Variants in NBEA observed in about 807,000 individuals in gnomAD.
NBEA encodes the protein neurobeachin, also known as lysosomal-trafficking regulator 2.
In NBEA, 44 loss-of-function variants were observed where a neutral mutation model predicts 343.4. The ratio of observed to expected loss-of-function variants is 0.13; its 90% CI spans 0.10 to 0.16. NBEA has a LOEUF of 0.16. NBEA is among the 10% of genes least tolerant of loss of function. NBEA has a pLI of 1.00. For missense variants in NBEA, 2,555 were observed against 3,631.3 expected (o/e 0.70, Z 7.62); for synonymous variants, 1,175 against 1,238.7 (o/e 0.95, Z 1.08).
chr13:35,312,277 C>T (rs2037420755), intron 36 of NBEA, among the ~76,000 whole-genome samples: 1 of 151,998 alleles, frequency 6.6e-6, no homozygotes, highest in Non-Finnish European at 1.5e-5. Flanking sequence ...GTGGGATTAT[C>T]AAGGTTTTCA....
intron 38 of NBEA, among the ~76,000 whole-genome samples, chr13:35,402,074 A>C (rs1271350798): frequency 1.3e-5 from 2 of 152,010 alleles, no homozygotes; most frequent in African/African-American, 4.8e-5. Context: ...AATTCTGATA[A>C]TTACCTAAAT....
intron 1 of NBEA, among the ~76,000 whole-genome samples, chr13:34,968,481 A>C (rs2059899127): frequency 6.6e-6 from 1 of 152,182 alleles, no homozygotes; most frequent in Admixed American, 6.6e-5. Flanking sequence ...CACCCAGGAC[A>C]TTCTAAAGAT....
intron 48 of NBEA, among the ~76,000 whole-genome samples, chr13:35,614,914 G>A (rs1206019645): frequency 6.6e-6 from 1 of 152,104 alleles, no homozygotes; most frequent in Non-Finnish European, 1.5e-5. Flanking sequence ...TGATATGAAG[G>A]TTGACCAGGA....
At chr13:35,085,014 C>G (rs1404026482) in intron 10 of NBEA, among the ~76,000 whole-genome samples, 1 of 152,052 alleles carries the variant, frequency 6.6e-6, no homozygotes, top group African/African-American at 2.4e-5. Flanking sequence ...ACACATACAC[C>G]CTCCCAAGAC....
chr13:35,496,468 C>CT (rs1165124401), intron 41 of NBEA, among the ~76,000 whole-genome samples: 2 of 151,386 alleles, frequency 1.3e-5, no homozygotes, highest in African/African-American at 4.9e-5. Context: ...GATCTTGTCT[C>CT]TAAAAAAATG....
At chr13:35,433,436 G>T (rs577010998) in intron 39 of NBEA, among the ~76,000 whole-genome samples, 1 of 152,062 alleles carries the variant, frequency 6.6e-6, no homozygotes, top group Admixed American at 6.6e-5. Context: ...AAAAACAGTT[G>T]ATAAATAGTA....
chr13:34,971,274 G>A (rs187172483), intron 1 of NBEA, among the ~76,000 whole-genome samples: 59 of 152,072 alleles, frequency 3.9e-4, no homozygotes, highest in Non-Finnish European at 7.2e-4. Context: ...GAAGCTTTTG[G>A]GCTAAGATGA....
At chr13:35,432,475 C>T (rs746438756) in intron 39 of NBEA, 82 bp downstream of exon 39, 181 of 1,266,240 alleles carry the variant, frequency 1.4e-4, no homozygotes, top group Non-Finnish European at 1.8e-4. Context: ...CTTTTTTTTT[C>T]GCTAGTATTT....
At position 35,570,581 on chromosome 13, in the gene NBEA, A is replaced by G. The variant is rs75864051; in HGVS notation, c.7035+3564A>G. On this transcript the variant is annotated intron_variant, in intron 45 of 58. Transcript: ENST00000379939. ...GATAGGTAGCTTTTCTTCCAATTTT[A>G]CTATATTCTATGCTTTAGCAATTTG... Among the ~76,000 whole-genome samples the G allele has an allele frequency of 7.7e-3, 1,177 of 152,280 alleles. 7 individuals are homozygous for G. The highest frequency in any genetic ancestry group is 0.012 in the Non-Finnish European group (803 of 68,018).
chr13:35,271,557 C>T (rs572048120), intron 34 of NBEA, among the ~76,000 whole-genome samples: 13 of 152,126 alleles, frequency 8.5e-5, no homozygotes, highest in African/African-American at 2.4e-4. Flanking sequence ...TAAACTTCTC[C>T]GAGCTAAAAG....
chr13:35,396,805 G>A (rs1246025644), intron 38 of NBEA, among the ~76,000 whole-genome samples: 2 of 152,106 alleles, frequency 1.3e-5, no homozygotes, highest in African/African-American at 2.4e-5. Context: ...CCTCCAAACC[G>A]GAAGTAGAAC....
chr13:35,141,808 A>G (rs2068108236), intron 17 of NBEA, among the ~76,000 whole-genome samples: 1 of 152,190 alleles, frequency 6.6e-6, no homozygotes, highest in African/African-American at 2.4e-5. Context: ...ATGACACCAA[A>G]ATTAAGCTAG....
At chr13:35,451,298 C>T (rs912913863) in intron 39 of NBEA, among the ~76,000 whole-genome samples, 5 of 151,868 alleles carry the variant, frequency 3.3e-5, no homozygotes, top group African/African-American at 7.3e-5. Context: ...TAATTTTTTG[C>T]GTTTTTAGTA....
At chr13:35,145,957 G>A (rs2068395239) in intron 18 of NBEA, among the ~76,000 whole-genome samples, 1 of 152,108 alleles carries the variant, frequency 6.6e-6, no homozygotes, top group Non-Finnish European at 1.5e-5. Context: ...TCCTCACCTG[G>A]CTTCTTGTTT....
chr13:35,036,467 T>G (rs572376291), intron 1 of NBEA, among the ~76,000 whole-genome samples: 1 of 152,278 alleles, frequency 6.6e-6, no homozygotes, highest in South Asian at 2.1e-4. Context: ...ATTCTGTGTT[T>G]TTCTGTGTAC....
intron 45 of NBEA, among the ~76,000 whole-genome samples, chr13:35,573,432 T>C (rs1159969539): frequency 6.6e-6 from 1 of 152,178 alleles, no homozygotes; most frequent in Non-Finnish European, 1.5e-5. Context: ...AAAGTGCAAC[T>C]AAAAAGGTAG....
intron 17 of NBEA, among the ~76,000 whole-genome samples, chr13:35,129,010 T>C (rs2067273632): frequency 6.8e-6 from 1 of 147,366 alleles, no homozygotes; most frequent in South Asian, 2.1e-4. Flanking sequence ...AAACACCACA[T>C]GTTCTCACTC....
intron 53 of NBEA, 23 bp from the exon 54 acceptor site, chr13:35,654,832 T>C: frequency 6.4e-7 from 1 of 1,552,626 alleles, no homozygotes; most frequent in Non-Finnish European, 8.6e-7. Context: ...TTTCTTCAAA[T>C]GCTTTTTTCC....
At chr13:35,609,807 A>G (rs766499855) in intron 48 of NBEA, among the ~76,000 whole-genome samples, 5 of 152,160 alleles carry the variant, frequency 3.3e-5, no homozygotes, top group Admixed American at 3.3e-4. Context: ...ATACAGGTAA[A>G]TACTTCTCCA....
Sources: allele counts gnomAD v4.1 joint callset (sites outside exome capture counted in the v4.1 genomes callset), GRCh38; gene constraint gnomAD v4.1.1; transcripts MANE v1.5; gene names NCBI Gene and HGNC (gene_info 2026-07-23, HGNC 2026-07-21).